PCCA: variants seen among roughly 807,000 people sequenced by gnomAD.
PCCA encodes the protein propionyl-CoA carboxylase subunit alpha.
A neutral mutation model predicts 101.3 loss-of-function variants in PCCA; 74 were observed. The ratio of observed to expected loss-of-function variants is 0.73; its 90% CI spans 0.61 to 0.89. PCCA has a LOEUF of 0.89. Among genes scored for constraint, PCCA ranks in the 40% least tolerant of loss-of-function variants. The probability of loss-of-function intolerance (pLI) is 0.00; values close to 1 mark genes in which losing one functional copy is unlikely to be tolerated. For missense variants in PCCA, 891 were observed against 907.0 expected (o/e 0.98, Z 0.23); for synonymous variants, 294 against 313.6 (o/e 0.94, Z 0.66).
At chr13:100,410,632 T>A (rs1020087226) in intron 19 of PCCA, among the ~76,000 whole-genome samples, 1 of 152,218 alleles carries the variant, frequency 6.6e-6, no homozygotes, top group African/African-American at 2.4e-5. Flanking sequence ...TGCACACCAC[T>A]GTTTTTATTC....
chr13:100,250,172 T>A (rs532855938), intron 8 of PCCA, among the ~76,000 whole-genome samples: 24 of 152,174 alleles, frequency 1.6e-4, no homozygotes, highest in Non-Finnish European at 3.2e-4. Context: ...GCATCCAGTT[T>A]CTTGTCATTA....
chr13:100,202,682 T>G (rs2058602275), intron 6 of PCCA, among the ~76,000 whole-genome samples: 1 of 151,464 alleles, frequency 6.6e-6, no homozygotes, highest in African/African-American at 2.4e-5. Flanking sequence ...TTCCTATTAT[T>G]CATATGTTGG....
At chr13:100,401,538 A>G (rs2077362968) in intron 19 of PCCA, among the ~76,000 whole-genome samples, 1 of 151,896 alleles carries the variant, frequency 6.6e-6, no homozygotes, top group Non-Finnish European at 1.5e-5. Flanking sequence ...CACCGTGCCC[A>G]GCCAACTGTT....
intron 20 of PCCA, among the ~76,000 whole-genome samples, chr13:100,446,614 C>G (rs1432258257): frequency 6.6e-6 from 1 of 152,150 alleles, no homozygotes; most frequent in Non-Finnish European, 1.5e-5. Flanking sequence ...ATGCCAGTGT[C>G]AAAACCTAGG....
intron 2 of PCCA, among the ~76,000 whole-genome samples, chr13:100,103,457 G>A (rs562286301): frequency 1.3e-5 from 2 of 150,604 alleles, no homozygotes; most frequent in South Asian, 2.1e-4. Context: ...GATTACAGGC[G>A]CCCACCACTG....
In PCCA at chr13:100,116,603, C is replaced by T. The variant is rs147449155; in HGVS notation, c.300+4542C>T. On this transcript the variant is annotated intron_variant, in intron 4 of 23. Coordinates refer to ENST00000376285, the MANE Select transcript of PCCA (RefSeq NM_000282.4). ...CATGTGAATTTTAGGATGAGCTGGC[C>T]AATTACCCCCCTTCCCCAATTTTTA... 2.1e-3 allele frequency among the ~76,000 whole-genome samples: 326 copies of T among 152,192 alleles called. 2 individuals carry two copies. Among genetic ancestry groups the T allele is most frequent in the African/African-American group, 7.7e-3 (319 of 41,514 alleles).
rs148827768 is a variant in PCCA, at chr13:100,256,296, T to C, written c.638-1299T>C. On this transcript the variant is annotated intron_variant, in intron 8 of 23. Coordinates refer to ENST00000376285, the MANE Select transcript of PCCA (RefSeq NM_000282.4). ...CTGGGATTACAGACATGAGCCACTGTGCCCAGCCTAAATGGCCCTTCTGAT... is the reference window on the plus strand; with the variant it reads ...CTGGGATTACAGACATGAGCCACTGCGCCCAGCCTAAATGGCCCTTCTGAT... 7.2e-3 allele frequency among the ~76,000 whole-genome samples: 1,093 copies of C among 152,262 alleles called. 13 individuals are homozygous for C. Among genetic ancestry groups the C allele is most frequent in the African/African-American group, 0.025 (1,042 of 41,562 alleles).
At chr13:100,276,776 T>C (rs185235977) in intron 12 of PCCA, among the ~76,000 whole-genome samples, 2 of 152,316 alleles carry the variant, frequency 1.3e-5, no homozygotes, top group East Asian at 3.9e-4. Flanking sequence ...TTATCTTTTC[T>C]TGTCTCCTAT....
intron 4 of PCCA, among the ~76,000 whole-genome samples, chr13:100,151,358 G>A (rs1422085908): frequency 6.6e-6 from 1 of 152,150 alleles, no homozygotes; most frequent in Non-Finnish European, 1.5e-5. Context: ...TTGGGAGGCT[G>A]AGGTAGGCGG....
chr13:100,188,368 A>G (rs12708381), intron 6 of PCCA, among the ~76,000 whole-genome samples: 107,132 of 152,020 alleles, frequency 0.7, 38,823 homozygotes, highest in African/African-American at 0.88. Context: ...TTCCATCTGG[A>G]TTGCTGCAAA....
chr13:100,406,192 A>T (rs2077667709), intron 19 of PCCA, among the ~76,000 whole-genome samples: 2 of 152,178 alleles, frequency 1.3e-5, no homozygotes. Context: ...CTCCTTTCAC[A>T]GTGAAAGCCT....
At chr13:100,451,378 A>G (rs1467605006) in intron 21 of PCCA, among the ~76,000 whole-genome samples, 1 of 152,188 alleles carries the variant, frequency 6.6e-6, no homozygotes, top group Non-Finnish European at 1.5e-5. Flanking sequence ...CCAGAAAATT[A>G]TGCATCTTTT....
At chr13:100,339,922 T>C (rs1275375667) in intron 17 of PCCA, among the ~76,000 whole-genome samples, 3 of 152,210 alleles carry the variant, frequency 2.0e-5, no homozygotes, top group Non-Finnish European at 2.9e-5. Context: ...GAATATCTTC[T>C]TTCCCAAATT....
chr13:100,377,530 T>C (rs2075991620), intron 19 of PCCA, among the ~76,000 whole-genome samples: 1 of 152,170 alleles, frequency 6.6e-6, no homozygotes, highest in Non-Finnish European at 1.5e-5. Context: ...AGTCTCGCTC[T>C]GTCACCCAGG....
intron 19 of PCCA, among the ~76,000 whole-genome samples, chr13:100,386,774 C>A (rs566061835): frequency 6.6e-6 from 1 of 152,184 alleles, no homozygotes; most frequent in Non-Finnish European, 1.5e-5. Flanking sequence ...CACAGAATAT[C>A]TTTGGAAGGA....
At chr13:100,407,014 T>C (rs916084541) in intron 19 of PCCA, among the ~76,000 whole-genome samples, 2 of 152,192 alleles carry the variant, frequency 1.3e-5, no homozygotes, top group African/African-American at 4.8e-5. Context: ...AAGACAACAA[T>C]TGCTGTGAAT....
chr13:100,222,244 T>C (rs570310077), intron 7 of PCCA, among the ~76,000 whole-genome samples: 1 of 152,026 alleles, frequency 6.6e-6, no homozygotes, highest in African/African-American at 2.4e-5. Flanking sequence ...TTTTTAGTAA[T>C]TTTTGTATTT....
In PCCA at chr13:100,262,627, A is replaced by G. The variant is rs575938745; in HGVS notation, c.717-102A>G. ...ATCGATTGTGTTTTCTTTTATAATGATAGCTCTATTTGTTTTGTTAGTCTG... is the reference window on the plus strand; with the variant it reads ...ATCGATTGTGTTTTCTTTTATAATGGTAGCTCTATTTGTTTTGTTAGTCTG... On this transcript the variant is annotated intron_variant, in intron 9 of 23. Coordinates refer to ENST00000376285, the MANE Select transcript of PCCA (RefSeq NM_000282.4). 2.3e-4 allele frequency: 165 copies of G among 726,644 alleles called. No individual in the cohort carries two copies. The African/African-American group carries it at 2.7e-3, about 12-fold the overall frequency. The allele number at this position is 726,644 out of a possible 1,614,324, so 45.0% of individuals were successfully genotyped here.
At chr13:100,253,647 T>C (rs1002719548) in intron 8 of PCCA, among the ~76,000 whole-genome samples, 3 of 152,164 alleles carry the variant, frequency 2.0e-5, no homozygotes, top group Admixed American at 6.5e-5. Flanking sequence ...TTTTGTCATA[T>C]AGTATTAGTA....
Sources: gnomAD v4.1 joint callset for allele counts (sites outside exome capture counted in the v4.1 genomes callset) on GRCh38, gnomAD v4.1.1 for gene constraint, MANE v1.5 for transcripts, NCBI Gene and HGNC (gene_info 2026-07-23, HGNC 2026-07-21) for gene names.